SHISA6: variants seen among roughly 807,000 people sequenced by gnomAD.
The protein encoded by SHISA6 is protein shisa-6.
Under a neutral mutation model 47.9 loss-of-function variants are expected in SHISA6, and 22 were observed. That is an observed-to-expected ratio of 0.46 (90% confidence interval 0.33 to 0.66). The LOEUF (loss-of-function observed/expected upper bound fraction) is 0.66. SHISA6 is among the 30% of genes least tolerant of loss of function. The pLI, the probability that SHISA6 is intolerant of heterozygous loss-of-function variation, is 0.02. For missense variants in SHISA6, 680 were observed against 764.6 expected (o/e 0.89, Z 1.30); for synonymous variants, 388 against 337.8 (o/e 1.15, Z -1.63).
chr17:11,300,041 AG>A (rs1909868422), intron 2 of SHISA6, among the ~76,000 whole-genome samples: 1 of 151,168 alleles, frequency 6.6e-6, no homozygotes, highest in Non-Finnish European at 1.5e-5. Context: ...GCTACTTGGG[AG>A]GCTGAGGCAG....
At chr17:11,314,932 G>A (rs1362341714) in intron 2 of SHISA6, among the ~76,000 whole-genome samples, 1 of 151,994 alleles carries the variant, frequency 6.6e-6, no homozygotes, top group East Asian at 1.9e-4. Context: ...AAATATTACT[G>A]GTTGTTCATG....
intron 2 of SHISA6, among the ~76,000 whole-genome samples, chr17:11,321,263 G>A (rs1428689956): frequency 1.3e-5 from 2 of 152,174 alleles, no homozygotes; most frequent in Non-Finnish European, 2.9e-5. Flanking sequence ...CTAATGCAGT[G>A]TCAGGAAGTT....
chr17:11,340,851 T>C (rs1280291424), intron 2 of SHISA6, among the ~76,000 whole-genome samples: 1 of 152,200 alleles, frequency 6.6e-6, no homozygotes, highest in African/African-American at 2.4e-5. Flanking sequence ...AGTGACCGTA[T>C]GTTCCAAGCA....
rs745789668 is a variant in SHISA6 at position 11,558,049 on chromosome 17, C to G, written c.1401C>G (p.Pro467=). Residue 467 remains proline (P), a synonymous_variant, in exon 6 of 6, where the codon CCC becomes CCG. Transcript: ENST00000441885. The stretch of plus-strand genomic sequence containing the variant: ...TGTCCCCGGAGCGGACGGCCTTTCC[C>G]GAGCAGTCGCTGTCCAGGGCCATCT... ...PLLSPERTAF[P]EQSLSRAISH... 1.4e-5 allele frequency: 21 copies of G among 1,551,672 alleles called. No homozygotes were observed. Among genetic ancestry groups the G allele is most frequent in the Non-Finnish European group, 1.7e-5 (20 of 1,146,994 alleles).
intron 3 of SHISA6, among the ~76,000 whole-genome samples, chr17:11,400,620 T>C (rs921856638): frequency 6.6e-6 from 1 of 152,310 alleles, no homozygotes; most frequent in African/African-American, 2.4e-5. Flanking sequence ...GTCAAATTAA[T>C]CTTTCTTCAA....
chr17:11,457,940 C>T (rs1915588255), intron 3 of SHISA6, among the ~76,000 whole-genome samples: 1 of 151,042 alleles, frequency 6.6e-6, no homozygotes, highest in African/African-American at 2.4e-5. Flanking sequence ...AAAAAATTAG[C>T]CGGGCTTAGT....
chr17:11,513,119 C>T (rs955025003), intron 3 of SHISA6, among the ~76,000 whole-genome samples: 3 of 151,434 alleles, frequency 2.0e-5, no homozygotes, highest in African/African-American at 7.3e-5. Flanking sequence ...GAAGCATGTG[C>T]TATTTTCTTT....
chr17:11,284,056 A>T (rs1252078961), intron 2 of SHISA6, among the ~76,000 whole-genome samples: 1 of 152,160 alleles, frequency 6.6e-6, no homozygotes, highest in Non-Finnish European at 1.5e-5. Flanking sequence ...CTACTACCTC[A>T]AAACCACACA....
At chr17:11,378,683 T>C (rs1393095280) in intron 2 of SHISA6, among the ~76,000 whole-genome samples, 1 of 152,194 alleles carries the variant, frequency 6.6e-6, no homozygotes, top group Admixed American at 6.5e-5. Context: ...CTCTGTCTTT[T>C]CCTCCCCACA....
chr17:11,303,707 C>T (rs1910006635), intron 2 of SHISA6, among the ~76,000 whole-genome samples: 1 of 152,158 alleles, frequency 6.6e-6, no homozygotes, highest in South Asian at 2.1e-4. Flanking sequence ...GCCCCCAGTC[C>T]CAGTTGGCCA....
chr17:11,309,909 G>A (rs1041625474), intron 2 of SHISA6, among the ~76,000 whole-genome samples: 2 of 152,218 alleles, frequency 1.3e-5, no homozygotes, highest in Admixed American at 1.3e-4. Flanking sequence ...CACTTATTGA[G>A]GCATTGTCCT....
At chr17:11,280,811 T>C (rs1909090963) in intron 2 of SHISA6, among the ~76,000 whole-genome samples, 1 of 152,192 alleles carries the variant, frequency 6.6e-6, no homozygotes, top group Non-Finnish European at 1.5e-5. Context: ...ATGGGTTGAA[T>C]GGCATGAGAG....
chr17:11,271,861 G>A (rs1033690885), intron 2 of SHISA6, among the ~76,000 whole-genome samples: 2 of 151,806 alleles, frequency 1.3e-5, no homozygotes, highest in Non-Finnish European at 2.9e-5. Flanking sequence ...TTGCTCTCTG[G>A]ACTTCCACCC....
intron 2 of SHISA6, among the ~76,000 whole-genome samples, chr17:11,320,782 A>G (rs889619126): frequency 3.3e-5 from 5 of 152,220 alleles, no homozygotes; most frequent in East Asian, 1.9e-4. Flanking sequence ...TTTAGAGCCT[A>G]CATCCTTTTC....
intron 2 of SHISA6, among the ~76,000 whole-genome samples, chr17:11,294,111 CTT>C (rs1909654569): frequency 6.6e-6 from 1 of 152,002 alleles, no homozygotes; most frequent in Non-Finnish European, 1.5e-5. Flanking sequence ...GTCTTGATCT[CTT>C]GACCTCGTGA....
chr17:11,543,695 T>C (rs1343580044), intron 3 of SHISA6, among the ~76,000 whole-genome samples: 1 of 152,044 alleles, frequency 6.6e-6, no homozygotes, highest in African/African-American at 2.4e-5. Context: ...ATAAGTCTAC[T>C]CAATTTCAAG....
At chr17:11,475,337 G>T (rs564689126) in intron 3 of SHISA6, among the ~76,000 whole-genome samples, 1 of 152,132 alleles carries the variant, frequency 6.6e-6, no homozygotes, top group Admixed American at 6.5e-5. Flanking sequence ...AGTGTTGAGA[G>T]GGGGCATGGC....
intron 3 of SHISA6, among the ~76,000 whole-genome samples, chr17:11,474,975 A>G (rs1916019072): frequency 1.3e-5 from 2 of 152,204 alleles, no homozygotes; most frequent in African/African-American, 4.8e-5. Context: ...CTATCCATGA[A>G]CATGGAATAT....
At chr17:11,316,620 C>T (rs1910534907) in intron 2 of SHISA6, among the ~76,000 whole-genome samples, 1 of 151,840 alleles carries the variant, frequency 6.6e-6, no homozygotes, top group Non-Finnish European at 1.5e-5. Context: ...TGGGGTTTCA[C>T]CATCTTAGCC....
Sources: allele counts gnomAD v4.1 joint callset (sites outside exome capture counted in the v4.1 genomes callset), GRCh38; gene constraint gnomAD v4.1.1; transcripts MANE v1.5; gene names NCBI Gene and HGNC (gene_info 2026-07-23, HGNC 2026-07-21).